RPS6KC1: variants seen among roughly 807,000 people sequenced by gnomAD.
The protein encoded by RPS6KC1 is ribosomal protein S6 kinase C1.
Under a neutral mutation model 103.8 loss-of-function variants are expected in RPS6KC1, and 54 were observed. The observed-to-expected ratio is 0.52, with a 90% confidence interval of 0.42 to 0.65. The LOEUF (loss-of-function observed/expected upper bound fraction) is 0.65. Ranked by LOEUF, RPS6KC1 falls within the 30% of genes least tolerant of loss-of-function variation. The probability of loss-of-function intolerance (pLI) is 0.00; values close to 1 mark genes in which losing one functional copy is unlikely to be tolerated. For missense variants in RPS6KC1, 1,151 were observed against 1,253.8 expected (o/e 0.92, Z 1.24); for synonymous variants, 439 against 438.7 (o/e 1.00, Z -0.01).
At chr1:213,741,395 T>C in the RPS6KC1 span, among the ~76,000 whole-genome samples, 43,557 of 151,950 alleles carry the variant, frequency 0.29, 7,199 homozygotes, top group African/African-American at 0.44. Flanking sequence ...ATAGAAGCTA[T>C]TGAACCCATC....
the RPS6KC1 span, among the ~76,000 whole-genome samples, chr1:213,392,549 A>T: frequency 2.0e-5 from 3 of 152,246 alleles, no homozygotes; most frequent in Non-Finnish European, 2.9e-5. Flanking sequence ...CTTGTCACAC[A>T]TGGAATTACA....
At chr1:213,460,422 T>TTTG in the RPS6KC1 span, among the ~76,000 whole-genome samples, 1 of 149,536 alleles carries the variant, frequency 6.7e-6, no homozygotes, top group Non-Finnish European at 1.5e-5. Flanking sequence ...TTTTTTTTTT[T>TTTG]TGCTTTCCAT....
At chr1:213,100,207 C>T (rs10864034) in intron 3 of RPS6KC1, among the ~76,000 whole-genome samples, 111,038 of 152,030 alleles carry the variant, frequency 0.73, 41,380 homozygotes, top group African/African-American at 0.88. Flanking sequence ...CAGTTCCTGA[C>T]GGCTAATAGG....
chr1:213,831,088 C>T, the RPS6KC1 span, among the ~76,000 whole-genome samples: 1 of 152,188 alleles, frequency 6.6e-6, no homozygotes, highest in African/African-American at 2.4e-5. Context: ...TAAGATTCTT[C>T]CTTCTGCCTG....
chr1:213,451,780 T>C, the RPS6KC1 span, among the ~76,000 whole-genome samples: 1 of 152,226 alleles, frequency 6.6e-6, no homozygotes, highest in South Asian at 2.1e-4. Flanking sequence ...AAACCTGAGC[T>C]GGGGCAAGAA....
At chr1:213,809,382 C>T in the RPS6KC1 span, among the ~76,000 whole-genome samples, 10 of 152,002 alleles carry the variant, frequency 6.6e-5, no homozygotes, top group African/African-American at 1.9e-4. Flanking sequence ...CCAGATATAA[C>T]GATAATTTAA....
the RPS6KC1 span, among the ~76,000 whole-genome samples, chr1:213,505,305 G>A: frequency 2.0e-5 from 3 of 152,152 alleles, no homozygotes; most frequent in Non-Finnish European, 4.4e-5. Context: ...TTGTGTGTTA[G>A]AACTGAATCT....
intron 14 of RPS6KC1, among the ~76,000 whole-genome samples, chr1:213,264,814 G>A (rs949202779): frequency 2.0e-5 from 3 of 152,016 alleles, no homozygotes; most frequent in East Asian, 3.8e-4. Context: ...ATAATTCTAC[G>A]TGGGGGAAAT....
At chr1:213,158,074 C>T (rs181038298) in intron 6 of RPS6KC1, among the ~76,000 whole-genome samples, 12 of 152,176 alleles carry the variant, frequency 7.9e-5, no homozygotes, top group Admixed American at 2.6e-4. Context: ...CTTCTATAGA[C>T]AGGATATAGT....
At chr1:213,777,821 G>A in the RPS6KC1 span, among the ~76,000 whole-genome samples, 115 of 152,254 alleles carry the variant, frequency 7.6e-4, no homozygotes, top group African/African-American at 2.4e-3. Context: ...TTTTCTAAAA[G>A]CCAATATAAA....
chr1:213,133,027 A>G (rs2085828358), intron 6 of RPS6KC1, among the ~76,000 whole-genome samples: 1 of 152,190 alleles, frequency 6.6e-6, no homozygotes, highest in South Asian at 2.1e-4. Context: ...CATCCGGCAG[A>G]GAATAAGTAT....
At chr1:213,393,045 A>G in the RPS6KC1 span, among the ~76,000 whole-genome samples, 1 of 152,228 alleles carries the variant, frequency 6.6e-6, no homozygotes, top group South Asian at 2.1e-4. Context: ...ATTTCAACCA[A>G]TAATTAGACT....
intron 12 of RPS6KC1, among the ~76,000 whole-genome samples, chr1:213,256,493 G>T (rs2094645403): frequency 6.6e-6 from 1 of 151,362 alleles, no homozygotes; most frequent in Admixed American, 6.6e-5. Flanking sequence ...ATTGTCTTGG[G>T]CCACATAAAA....
chr1:213,168,412 TTA>T (rs2091183863), intron 7 of RPS6KC1, among the ~76,000 whole-genome samples: 1 of 152,240 alleles, frequency 6.6e-6, no homozygotes, highest in Non-Finnish European at 1.5e-5. Context: ...GCAGAGATAG[TTA>T]TGTTATTTGG....
At chr1:213,490,431 C>A in the RPS6KC1 span, among the ~76,000 whole-genome samples, 10 of 152,150 alleles carry the variant, frequency 6.6e-5, no homozygotes, top group Non-Finnish European at 4.4e-5. Flanking sequence ...CTCTTGGAGG[C>A]CAGTCTTTTC....
the RPS6KC1 span, among the ~76,000 whole-genome samples, chr1:213,319,034 G>A: frequency 4.6e-5 from 7 of 152,258 alleles, no homozygotes; most frequent in East Asian, 1.9e-4. Context: ...AGCTGGGTGC[G>A]GTGGCTCACG....
At chr1:213,586,885 G>C in the RPS6KC1 span, among the ~76,000 whole-genome samples, 3 of 152,136 alleles carry the variant, frequency 2.0e-5, no homozygotes, top group African/African-American at 7.2e-5. Context: ...CACACTTTTG[G>C]GCTGTAGAAG....
the RPS6KC1 span, among the ~76,000 whole-genome samples, chr1:213,741,653 C>A: frequency 9.2e-5 from 14 of 152,080 alleles, no homozygotes; most frequent in Admixed American, 9.2e-4. Context: ...GTGACACGAG[C>A]ATAATAGTAT....
the RPS6KC1 span, chr1:213,841,087 C>T: frequency 6.6e-6 from 1 of 152,114 alleles, no homozygotes; most frequent in Admixed American, 6.5e-5. Flanking sequence ...TTTTTTGAAC[C>T]TGATTGCTCC....
Sources: allele counts gnomAD v4.1 joint callset (sites outside exome capture counted in the v4.1 genomes callset), GRCh38; gene constraint gnomAD v4.1.1; transcripts MANE v1.5; gene names NCBI Gene and HGNC (gene_info 2026-07-23, HGNC 2026-07-21).